EVC2: variants seen among roughly 807,000 people sequenced by gnomAD.
EVC2 encodes the protein EvC ciliary complex subunit 2.
A neutral mutation model predicts 149.3 loss-of-function variants in EVC2; 148 were observed. The observed-to-expected ratio is 0.99, with a 90% CI of 0.87 to 1.14. The LOEUF (loss-of-function observed/expected upper bound fraction) is 1.14. Ranked by LOEUF, EVC2 falls within the 50% of genes most tolerant of loss-of-function variation. The pLI, the probability that EVC2 is intolerant of heterozygous loss-of-function variation, is 0.00. For missense variants in EVC2, 1,854 were observed against 1,627.3 expected, an observed-to-expected ratio of 1.14 and a Z score of -2.40; for synonymous variants, 776 against 649.9, an observed-to-expected ratio of 1.19 and a Z score of -2.95.
chr4:5,616,707 G>A (rs1715283295), intron 15 of EVC2, among the ~76,000 whole-genome samples: 1 of 152,224 alleles, frequency 6.6e-6, no homozygotes. Flanking sequence ...CGCTATCTCG[G>A]GACTGAGCAA....
intron 17 of EVC2, among the ~76,000 whole-genome samples, chr4:5,583,767 T>C (rs1175171957): frequency 6.6e-6 from 1 of 151,858 alleles, no homozygotes; most frequent in Non-Finnish European, 1.5e-5. Context: ...TATATTTTAT[T>C]AGACTTTTTT....
chr4:5,611,825 T>C (rs1360475940), intron 16 of EVC2, among the ~76,000 whole-genome samples: 1 of 152,136 alleles, frequency 6.6e-6, no homozygotes, highest in Non-Finnish European at 1.5e-5. Flanking sequence ...TAAAGGAATA[T>C]GATTATAGGG....
rs916591962 is a variant in EVC2, at chr4:5,576,859, C to T, written c.3058-405G>A. 2.4e-4 allele frequency among the ~76,000 whole-genome samples: 36 copies of T among 152,244 alleles called. 1 individual carries two copies. Among genetic ancestry groups the T allele is most frequent in the African/African-American group, 8.0e-4 (33 of 41,466 alleles). On this transcript the variant is annotated intron_variant, in intron 17 of 21. Transcript: ENST00000344408. This position sits in a 1 kb window ranked among gnomAD's most constrained non-coding sequence, Gnocchi z 4.5. ...CTCTGTTTCCTGTCACCTGAAATCA[C>T]TGTCCTGTGCCTTTCTGCTACAGTG...
intron 16 of EVC2, among the ~76,000 whole-genome samples, chr4:5,585,996 G>T (rs375806941): frequency 6.6e-6 from 1 of 152,092 alleles, no homozygotes; most frequent in African/African-American, 2.4e-5. Flanking sequence ...TGAGTAGCTG[G>T]GATTACAGGC....
At chr4:5,537,683 C>T in the EVC2 span, among the ~76,000 whole-genome samples, 2 of 152,062 alleles carry the variant, frequency 1.3e-5, no homozygotes, top group Admixed American at 1.3e-4. Context: ...TCAAGGAGTA[C>T]CGGGCAAGTA....
chr4:5,663,086 A>G, intron 9 of EVC2, 21 bp downstream of exon 9: 3 of 1,613,750 alleles, frequency 1.9e-6, no homozygotes, highest in Non-Finnish European at 2.5e-6. Context: ...GTGTAAGTAT[A>G]ATGGGATTTA....
intron 7 of EVC2, among the ~76,000 whole-genome samples, chr4:5,675,214 G>A (rs1719912186): frequency 6.6e-6 from 1 of 152,108 alleles, no homozygotes; most frequent in Non-Finnish European, 1.5e-5. Flanking sequence ...TCACTTATCT[G>A]AGTGCTGTTT....
At chr4:5,695,887 G>A (rs1721444438) in intron 2 of EVC2, among the ~76,000 whole-genome samples, 1 of 152,094 alleles carries the variant, frequency 6.6e-6, no homozygotes, top group African/African-American at 2.4e-5. Flanking sequence ...ACTAAAATCT[G>A]ATTAAAAAAA....
At chr4:5,701,975 C>T (rs562046221) in intron 1 of EVC2, among the ~76,000 whole-genome samples, 3 of 152,230 alleles carry the variant, frequency 2.0e-5, no homozygotes, top group African/African-American at 4.8e-5. Flanking sequence ...CCTGGCCTCC[C>T]GCCTGCCTGC....
At chr4:5,623,985 G>A (rs2108840842) in intron 13 of EVC2, among the ~76,000 whole-genome samples, 1 of 152,274 alleles carries the variant, frequency 6.6e-6, no homozygotes, top group South Asian at 2.1e-4. Context: ...AGGCACACAG[G>A]ATCTGCAAGT....
chr4:5,690,709 G>A (rs1387063185), intron 4 of EVC2, among the ~76,000 whole-genome samples: 1 of 152,142 alleles, frequency 6.6e-6, no homozygotes, highest in East Asian at 1.9e-4. Flanking sequence ...AGAGACAGCC[G>A]GAAGCTCATG....
Position 5,614,391 on chromosome 4 carries a change from G to A in EVC2, c.2829+1031C>T, listed in dbSNP as rs1174515579. 1.4e-5 allele frequency among the ~76,000 whole-genome samples: 2 copies of A among 140,094 alleles called. No homozygotes were observed. The highest frequency in any genetic ancestry group is 1.5e-5 in the Non-Finnish European group (1 of 64,650). The allele number at this position is 140,094 out of a possible 152,430, so 91.9% of individuals were successfully genotyped here. On this transcript the variant is annotated intron_variant, in intron 16 of 21. Transcript: ENST00000344408. This position sits in a 1 kb window ranked among gnomAD's most constrained non-coding sequence, Gnocchi z 4.7. ...CAACCCCAGAGTTAACTGACACAGCGCCTGGGACACTGTTGCCTCCCCAAA... is the reference window on the plus strand; with the variant it reads ...CAACCCCAGAGTTAACTGACACAGCACCTGGGACACTGTTGCCTCCCCAAA...
chr4:5,662,079 CTCT>C (rs1473796865), intron 9 of EVC2, among the ~76,000 whole-genome samples: 6 of 152,136 alleles, frequency 3.9e-5, no homozygotes, highest in Non-Finnish European at 8.8e-5. Context: ...CCCCTGCTGC[CTCT>C]TCTTTATTTT....
chr4:5,593,517 G>C (rs183454690), intron 16 of EVC2, among the ~76,000 whole-genome samples: 1 of 152,276 alleles, frequency 6.6e-6, no homozygotes, highest in Admixed American at 6.5e-5. Flanking sequence ...CCCAAACATT[G>C]GGAGAATAAG....
intron 21 of EVC2, among the ~76,000 whole-genome samples, chr4:5,552,546 G>C (rs1049197993): frequency 6.6e-6 from 1 of 151,712 alleles, no homozygotes; most frequent in African/African-American, 2.4e-5. Context: ...CGCAGAGGCT[G>C]AATCTACACT....
downstream of EVC2, among the ~76,000 whole-genome samples, chr4:5,542,433 C>A (rs555014054): frequency 3.3e-5 from 5 of 152,258 alleles, no homozygotes; most frequent in South Asian, 8.3e-4. Flanking sequence ...CCAGCCTGGG[C>A]AATGGAGTGA....
chr4:5,611,007 G>A (rs546208599), intron 16 of EVC2, among the ~76,000 whole-genome samples: 2 of 152,084 alleles, frequency 1.3e-5, no homozygotes, highest in African/African-American at 2.4e-5. Context: ...TGTGTCAACT[G>A]GATAAGGTGG....
At position 5,587,949 on chromosome 4, in the gene EVC2, ACTT is replaced by A. The variant is rs536841821; in HGVS notation, c.2830-3102_2830-3100del. On this transcript the variant is annotated intron_variant, in intron 16 of 21. Coordinates refer to ENST00000344408, the MANE Select transcript of EVC2 (RefSeq NM_147127.5). ...ATTTCATTTCTGCCTTTTAGTTTTT[ACTT>A]CTTCTTTCTTTGGAGGCAGAAATTG... Among the ~76,000 whole-genome samples, 322 of 151,920 alleles carry A rather than the reference ACTT, an allele frequency of 2.1e-3. 1 individual carries two copies. The highest frequency in any genetic ancestry group is 7.4e-3 in the African/African-American group (307 of 41,414).
rs369530549 is a variant in EVC2 at position 5,632,000 on chromosome 4, G to T, written c.1503C>A (p.Thr501=). 10 of 1,614,182 alleles carry T rather than the reference G, an allele frequency of 6.2e-6. No individual in the cohort carries two copies. Among genetic ancestry groups the T allele is most frequent in the Non-Finnish European group, 8.5e-6 (10 of 1,180,034 alleles). Residue 501 remains threonine, a synonymous_variant, in exon 11 of 22, where the codon ACC becomes ACA. Transcript: ENST00000344408. ...AGTGCTCCTGTTCCAGGCCATGGAGGGTCCGCAGAAGGTTGCTGCACTCTA... is the reference window on the plus strand; with the variant it reads ...AGTGCTCCTGTTCCAGGCCATGGAGTGTCCGCAGAAGGTTGCTGCACTCTA... ...SAVECSNLLR[T]LHGLEQEHLR...
Sources: gnomAD v4.1 joint callset for allele counts (sites outside exome capture counted in the v4.1 genomes callset) on GRCh38, gnomAD v4.1.1 for gene constraint, Gnocchi (gnomAD v3.1) non-coding constraint, MANE v1.5 for transcripts, NCBI Gene and HGNC (gene_info 2026-07-23, HGNC 2026-07-21) for gene names.